ARL9: variants seen among roughly 807,000 people sequenced by gnomAD.
ARL9 encodes the protein ADP-ribosylation factor-like protein 9.
A neutral mutation model predicts 27.0 loss-of-function variants in ARL9; 14 were observed. That is an observed-to-expected ratio of 0.52 (90% CI 0.34 to 0.81). The LOEUF is 0.81. Among genes scored for constraint, ARL9 ranks in the 30% least tolerant of loss-of-function variants. The pLI is 0.01. For missense variants in ARL9, 294 were observed against 290.0 expected (o/e 1.01, Z -0.10); for synonymous variants, 106 against 108.7 (o/e 0.98, Z 0.15).
chr4:56,506,081 A>G lies in ARL9; in HGVS notation c.219A>G (p.Gly73=). The G allele has an allele frequency of 8.1e-7, 1 of 1,234,988 alleles. No individual in the cohort carries two copies. The highest frequency in any genetic ancestry group is 1.0e-6 in the Non-Finnish European group (1 of 989,970). The allele number at this position is 1,234,988 out of a possible 1,614,324, so 76.5% of individuals were successfully genotyped here. A position where few individuals can be genotyped will look rare whatever the true frequency, so the allele number is the denominator to read the frequency against. ...ACAAAGAGAAGGAACAATTTAAGGG[A>G]CAAGAAGAGAAAGGGGAGAACAAGG... ...ETNKEKEQFK[G]QEEKGENKDS... The change falls in exon 1 of 4, where the codon GGA becomes GGG. Residue 73 remains glycine (G), a synonymous_variant. Coordinates refer to ENST00000640821, the MANE Select transcript of ARL9 (RefSeq NM_001363794.2).
At chr4:56,508,237 T>G (rs927874982) in intron 1 of ARL9, among the ~76,000 whole-genome samples, 1 of 152,118 alleles carries the variant, frequency 6.6e-6, no homozygotes, top group Non-Finnish European at 1.5e-5. Flanking sequence ...CTTCCTTACC[T>G]TGACACACTC....
At chr4:56,510,354 C>CAAAAAAAAAAA (rs769085578) in intron 1 of ARL9, among the ~76,000 whole-genome samples, 1 of 75,150 alleles carries the variant, frequency 1.3e-5, no homozygotes. Flanking sequence ...GACTCCAACT[C>CAAAAAAAAAAA]AAAAAAAAAA....
chr4:56,508,221 GC>G (rs1317156216), intron 1 of ARL9, among the ~76,000 whole-genome samples: 1 of 151,492 alleles, frequency 6.6e-6, no homozygotes, highest in Non-Finnish European at 1.5e-5. Context: ...AGTCTCCCTT[GC>G]CCCTCTTCCT....
At chr4:56,520,382 T>C (rs1721885213) in intron 3 of ARL9, among the ~76,000 whole-genome samples, 1 of 152,202 alleles carries the variant, frequency 6.6e-6, no homozygotes, top group African/African-American at 2.4e-5. Flanking sequence ...GAGAACATTA[T>C]GCTAAGTGAA....
Position 56,518,873 on chromosome 4 carries a change from T to C in ARL9, c.618+20T>C. Reference sequence around the variant, plus strand: ...AAACAGGTAAAAATCTGTGCAAATATAAATTGTACTCAAGAGTTTTGTAAT... The same window carrying C: ...AAACAGGTAAAAATCTGTGCAAATACAAATTGTACTCAAGAGTTTTGTAAT... On this transcript the variant is annotated intron_variant, in intron 3 of 3. Transcript: ENST00000640821. The C allele has an allele frequency of 2.5e-6, 4 of 1,605,562 alleles. No individual in the cohort carries two copies. The highest frequency in any genetic ancestry group is 1.1e-5 in the South Asian group (1 of 90,020).
intron 1 of ARL9, among the ~76,000 whole-genome samples, chr4:56,510,088 G>A (rs908243913): frequency 1.2e-4 from 18 of 151,868 alleles, no homozygotes; most frequent in Admixed American, 3.9e-4. Context: ...GGCTGGGTGC[G>A]GTGGCTCATG....
intron 3 of ARL9, among the ~76,000 whole-genome samples, chr4:56,522,797 T>TC (rs952704116): frequency 1.3e-5 from 2 of 152,074 alleles, no homozygotes; most frequent in African/African-American, 4.8e-5. Flanking sequence ...CTTCCAAGCC[T>TC]CCCCCATCTC....
intron 2 of ARL9, among the ~76,000 whole-genome samples, 154 bp from the exon 3 acceptor site, chr4:56,518,524 G>A (rs2110152590): frequency 6.6e-6 from 1 of 152,270 alleles, no homozygotes; most frequent in South Asian, 2.1e-4. Context: ...CATGCCTCTG[G>A]TCACTCTGAG....
chr4:56,516,723 G>A (rs1361013837), intron 2 of ARL9, among the ~76,000 whole-genome samples: 1 of 152,082 alleles, frequency 6.6e-6, no homozygotes. Context: ...TGGAGTTCAA[G>A]GGTTCAAGAC....
intron 1 of ARL9, among the ~76,000 whole-genome samples, chr4:56,509,201 C>CTTT (rs201536471): frequency 3.0e-5 from 4 of 133,342 alleles, no homozygotes; most frequent in Admixed American, 8.2e-5. Context: ...TTTTCTTTTT[C>CTTT]TTTTTTTTGT....
chr4:56,511,054 T>C, intron 1 of ARL9, 131 bp from the exon 2 acceptor site: 2 of 881,606 alleles, frequency 2.3e-6, no homozygotes, highest in East Asian at 2.8e-5. Flanking sequence ...ATTACAGGCG[T>C]GAGCCACCGC....
chr4:56,518,936 A>G, intron 3 of ARL9, 83 bp downstream of exon 3: 1 of 1,256,348 alleles, frequency 8.0e-7, no homozygotes, highest in Admixed American at 2.3e-5. Context: ...GATAGTCAAC[A>G]ATATGCTATA....
chr4:56,505,967 G>A lies in ARL9; in HGVS notation c.105G>A (p.Glu35=). The stretch of plus-strand genomic sequence containing the variant: ...AGAAAGTGAAAAGAAAGGAGGTGGA[G>A]CAGAAAATTAAACAAAAGCAAGAGA... ...REEKVKRKEV[E]QKIKQKQEKQ... Residue 35 remains glutamate, a synonymous_variant, in exon 1 of 4, where the codon GAG becomes GAA. Transcript: ENST00000640821. 1 of 1,201,818 alleles carries A rather than the reference G, an allele frequency of 8.3e-7. No homozygotes were observed. Among genetic ancestry groups the A allele is most frequent in the African/African-American group, 1.6e-5 (1 of 62,834 alleles). 74.4% of individuals were successfully genotyped at this position (1,201,818 alleles called of 1,614,324 possible). A position where few individuals can be genotyped will look rare whatever the true frequency, so the allele number is the denominator to read the frequency against.
intron 1 of ARL9, among the ~76,000 whole-genome samples, chr4:56,510,153 T>C (rs969608586): frequency 6.6e-6 from 1 of 151,150 alleles, no homozygotes; most frequent in African/African-American, 2.4e-5. Context: ...AGGTCAGGAG[T>C]TCGAGACCAG....
At chr4:56,506,251 G>A in intron 1 of ARL9, 110 bp downstream of exon 1, 1 of 1,071,664 alleles carries the variant, frequency 9.3e-7, no homozygotes, top group Non-Finnish European at 1.2e-6. Flanking sequence ...GGAGCGAATG[G>A]ATCTCAACTG....
At chr4:56,519,338 A>G (rs2110153475) in intron 3 of ARL9, among the ~76,000 whole-genome samples, 1 of 152,262 alleles carries the variant, frequency 6.6e-6, no homozygotes, top group Admixed American at 6.5e-5. Context: ...GAGGCTGGGC[A>G]CGGTGGCTCA....
intron 3 of ARL9, among the ~76,000 whole-genome samples, chr4:56,521,288 T>A (rs1721910762): frequency 6.6e-6 from 1 of 152,020 alleles, no homozygotes; most frequent in Admixed American, 6.6e-5. Context: ...TACCATAAAC[T>A]ACAAAGATTT....
In ARL9 at chr4:56,510,358, A is replaced by G. The variant is rs570977418; in HGVS notation, c.280-827A>G. ...TGACAGAGCAAGACTCCAACTCAAA[A>G]AAAAAAAAAAAAAGTATAAGAGGGA... On this transcript the variant is annotated intron_variant, in intron 1 of 3. Transcript: ENST00000640821. Among the ~76,000 whole-genome samples the G allele has an allele frequency of 4.4e-4, 66 of 151,602 alleles. 1 individual carries two copies. Among genetic ancestry groups the G allele is most frequent in the African/African-American group, 1.6e-3 (65 of 41,368 alleles).
At position 56,508,643 on chromosome 4, in the gene ARL9, C is replaced by T. The variant is rs527288205; in HGVS notation, c.279+2502C>T. Among the ~76,000 whole-genome samples the T allele has an allele frequency of 2.6e-5, 4 of 152,308 alleles. No individual in the cohort carries two copies. The East Asian group carries it at 7.7e-4, about 29-fold the overall frequency. Reference sequence around the variant, plus strand: ...TCAGGTGATCCGCCCTCCTTGGCCTCCCAAAGTGCTGGGATTACAGGTAAG... The same window carrying T: ...TCAGGTGATCCGCCCTCCTTGGCCTTCCAAAGTGCTGGGATTACAGGTAAG... On this transcript the variant is annotated intron_variant, in intron 1 of 3. Coordinates refer to ENST00000640821, the MANE Select transcript of ARL9 (RefSeq NM_001363794.2).
Sources: allele counts gnomAD v4.1 joint callset (sites outside exome capture counted in the v4.1 genomes callset), GRCh38; gene constraint gnomAD v4.1.1; transcripts MANE v1.5; gene names NCBI Gene and HGNC (gene_info 2026-07-23, HGNC 2026-07-21).